Variants in NELFA observed in about 807,000 individuals in gnomAD.
NELFA encodes the protein negative elongation factor A.
NELFA carries 35 observed loss-of-function variants against 51.8 expected under a neutral mutation model. That is an observed-to-expected ratio of 0.68 (90% confidence interval 0.52 to 0.90). The LOEUF is 0.90. Among genes scored for constraint, NELFA ranks in the 40% least tolerant of loss-of-function variants. The probability of loss-of-function intolerance (pLI) is 0.00; values close to 1 mark genes in which losing one functional copy is unlikely to be tolerated. For synonymous variants in NELFA, 417 were observed against 338.4 expected, an observed-to-expected ratio of 1.23 and a Z score of -2.55; for missense variants, 658 against 746.4, an observed-to-expected ratio of 0.88 and a Z score of 1.38.
rs1727977577 is a variant in NELFA, at chr4:1,983,708, G to A, written c.1303-13C>T. 3 of 1,613,336 alleles carry A rather than the reference G, an allele frequency of 1.9e-6. No homozygotes were observed. Among genetic ancestry groups the A allele is most frequent in the South Asian group, 2.2e-5 (2 of 91,080 alleles). ...ACATCTGCTCTCTCTACAGCGGGGA[G>A]AGGGGTGTGGGTGCCAGGGCCCCGC... On this transcript the variant is annotated splice_polypyrimidine_tract_variant and intron_variant, in intron 9 of 10. Transcript: ENST00000382882.
Position 1,983,395 on chromosome 4 carries a change from G to A in NELFA, c.1511C>T (p.Thr504Ile). 6.2e-7 allele frequency: 1 copy of A among 1,614,212 alleles called. No individual in the cohort carries two copies. ...CGTGGCATAGTTCATCTCAAACACT[G>A]TGTCCACCAGCATGGTTGTGCTACC... is the stretch of plus-strand genomic sequence containing the variant. The part of the protein sequence containing the change: ...GQGSTTMLVD[T>I]VFEMNYATGQ... The change falls in exon 11 of 11, where the codon ACA becomes ATA. Residue 504 changes from threonine (T) to isoleucine (I), a missense_variant. Physicochemically the swap from Thr to Ile is moderately conservative, Grantham distance 89. Transcript: ENST00000382882.
chr4:1,996,928 GAC>G (rs547657718), intron 1 of NELFA, among the ~76,000 whole-genome samples: 251 of 152,078 alleles, frequency 1.7e-3, no homozygotes, highest in Admixed American at 6.4e-3. Flanking sequence ...GGGTATTTGA[GAC>G]ACTCTCTCTA....
chr4:1,985,872 CA>C lies in NELFA; in HGVS notation c.836-9del. 2 of 1,611,062 alleles carry C rather than the reference CA, an allele frequency of 1.2e-6. No individual in the cohort carries two copies. The highest frequency in any genetic ancestry group is 1.7e-6 in the Non-Finnish European group (2 of 1,178,418). ...TCTCCACCACCTCCGCATCTGTGGA[CA>C]AAACAGGAGTCCTCGCCAGTGCCCG... On this transcript the variant is annotated splice_polypyrimidine_tract_variant and intron_variant, in intron 6 of 10. Coordinates refer to ENST00000382882, the MANE Select transcript of NELFA (RefSeq NM_005663.5).
intron 1 of NELFA, among the ~76,000 whole-genome samples, chr4:1,993,781 G>A (rs1405051019): frequency 2.0e-5 from 3 of 149,320 alleles, no homozygotes; most frequent in African/African-American, 2.5e-5. Flanking sequence ...AGGTGGGAAC[G>A]AGCTCCCCTG....
At chr4:1,993,385 G>A (rs942317857) in intron 1 of NELFA, among the ~76,000 whole-genome samples, 1 of 152,186 alleles carries the variant, frequency 6.6e-6, no homozygotes, top group Admixed American at 6.5e-5. Flanking sequence ...TTGGGGACCA[G>A]ACTGACCCAC....
intron 1 of NELFA, among the ~76,000 whole-genome samples, chr4:1,997,795 A>G (rs1440338320): frequency 6.6e-6 from 1 of 152,148 alleles, no homozygotes; most frequent in Non-Finnish European, 1.5e-5. Flanking sequence ...TGCTTCATTA[A>G]ATGGGTCCTG....
chr4:2,006,286 T>G (rs1196638692), intron 1 of NELFA, among the ~76,000 whole-genome samples: 1 of 152,242 alleles, frequency 6.6e-6, no homozygotes, highest in African/African-American at 2.4e-5. Flanking sequence ...TTAGACTCCC[T>G]GCTTCACACA....
intron 1 of NELFA, among the ~76,000 whole-genome samples, chr4:2,007,351 G>C (rs1002336865): frequency 2.0e-5 from 3 of 152,162 alleles, no homozygotes; most frequent in African/African-American, 7.2e-5. Context: ...ATGTAGTAAC[G>C]GGATGATTTA....
At chr4:1,995,577 A>G (rs974033949) in intron 1 of NELFA, among the ~76,000 whole-genome samples, 11 of 152,240 alleles carry the variant, frequency 7.2e-5, no homozygotes, top group Non-Finnish European at 1.0e-4. Context: ...CAGTTAAATG[A>G]GGTCTTTATC....
chr4:1,987,745 A>G, intron 4 of NELFA, 173 bp downstream of exon 4: 1 of 589,206 alleles, frequency 1.7e-6, no homozygotes, highest in Non-Finnish European at 2.9e-6. Context: ...GAGCTCCCCA[A>G]GGGGAGAAGC....
intron 1 of NELFA, among the ~76,000 whole-genome samples, chr4:1,993,587 AAAAGAAAG>A (rs545034701): frequency 6.6e-6 from 1 of 151,718 alleles, no homozygotes; most frequent in Non-Finnish European, 1.5e-5. Flanking sequence ...TCAAAAAAAA[AAAAGAAAG>A]AAAGAAAGAA....
At chr4:1,998,300 C>G (rs950734537) in intron 1 of NELFA, among the ~76,000 whole-genome samples, 1 of 151,388 alleles carries the variant, frequency 6.6e-6, no homozygotes, top group Admixed American at 6.6e-5. Context: ...ATTGGATGGA[C>G]GAGCTGACAG....
At chr4:1,991,929 GC>G in intron 1 of NELFA, 2 of 505,424 alleles carry the variant, frequency 4.0e-6, no homozygotes, top group Non-Finnish European at 6.9e-6. Context: ...AGGTTGCAAG[GC>G]CCCGGCATCC....
chr4:1,992,706 G>C (rs907144309), intron 1 of NELFA: 1 of 199,604 alleles, frequency 5.0e-6, no homozygotes, highest in African/African-American at 2.4e-5. Context: ...GCCGCCTCCT[G>C]GTGGCCTCTG....
chr4:2,004,368 G>A (rs141701344), intron 1 of NELFA, among the ~76,000 whole-genome samples: 6 of 152,196 alleles, frequency 3.9e-5, no homozygotes, highest in African/African-American at 1.4e-4. Flanking sequence ...TTATTTGGGG[G>A]ATGATGAAAA....
chr4:1,985,876 A>G lies in NELFA; in HGVS notation c.836-12T>C, dbSNP rs1437447646. The G allele has an allele frequency of 6.2e-7, 1 of 1,608,384 alleles. No homozygotes were observed. The highest frequency in any genetic ancestry group is 1.3e-5 in the African/African-American group (1 of 74,754). ...CACCACCTCCGCATCTGTGGACAAA[A>G]CAGGAGTCCTCGCCAGTGCCCGGGC... On this transcript the variant is annotated splice_polypyrimidine_tract_variant and intron_variant, in intron 6 of 10. Coordinates refer to ENST00000382882, the MANE Select transcript of NELFA (RefSeq NM_005663.5).
Position 1,985,807 on chromosome 4 carries a change from G to T in NELFA, c.893C>A (p.Pro298Gln). The change falls in exon 7 of 11, where the codon CCG becomes CAG. Residue 298 changes from proline (P) to glutamine (Q), a missense_variant. This residue lies in a region of NELFA where 371 missense variants were observed against 448.3 expected (regional missense o/e 0.83). Coordinates refer to ENST00000382882, the MANE Select transcript of NELFA (RefSeq NM_005663.5). The part of the protein sequence containing the change: ...KEETVVENAT[P>Q]DYAAGLVSTQ... Reference sequence around the variant, plus strand: ...GGACACCAGGCCGGCTGCGTAGTCCGGGGTGGCGTTCTCCACCACCGTTTC... The same window carrying T: ...GGACACCAGGCCGGCTGCGTAGTCCTGGGTGGCGTTCTCCACCACCGTTTC... 1 of 1,613,234 alleles carries T rather than the reference G, an allele frequency of 6.2e-7. No individual in the cohort carries two copies.
chr4:2,008,112 C>G, intron 1 of NELFA: 1 of 444,012 alleles, frequency 2.3e-6, no homozygotes, highest in Non-Finnish European at 4.6e-6. Context: ...CAGGCCGCCC[C>G]TTCCTCACGC....
At chr4:2,003,605 A>G (rs1728630975) in intron 1 of NELFA, among the ~76,000 whole-genome samples, 1 of 152,222 alleles carries the variant, frequency 6.6e-6, no homozygotes, top group South Asian at 2.1e-4. Context: ...GGAAGCCATC[A>G]TCCTCAGCAA....
Sources: allele counts gnomAD v4.1 joint callset (sites outside exome capture counted in the v4.1 genomes callset), GRCh38; gene constraint gnomAD v4.1.1; regional missense constraint gnomAD v4.1.1; transcripts MANE v1.5; gene names NCBI Gene and HGNC (gene_info 2026-07-23, HGNC 2026-07-21).